Variants in CFAP54 observed in about 807,000 individuals in gnomAD.
The protein encoded by CFAP54 is cilia and flagella associated protein 54, also known as cilia- and flagella-associated protein 54.
A neutral mutation model predicts 370.4 loss-of-function variants in CFAP54; 290 were observed. That is an observed-to-expected ratio of 0.78 (90% CI 0.71 to 0.86). The LOEUF (loss-of-function observed/expected upper bound fraction) is 0.86, where lower values mean the gene tolerates loss of function less well. Ranked by LOEUF, CFAP54 falls within the 40% of genes least tolerant of loss-of-function variation. The pLI is 0.00. For synonymous variants in CFAP54, 1,206 were observed against 1,236.5 expected, an observed-to-expected ratio of 0.98 and a Z score of 0.52; for missense variants, 3,399 against 3,528.7, an observed-to-expected ratio of 0.96 and a Z score of 0.93.
rs890606616 is a variant in CFAP54, at chr12:96,745,543, T to G, written c.7684+1397T>G. ...TTAATGTTTTTTTTTCTTGTAAATT[T>G]GTTTGAGTTCTTTGTATACTCTGAA... On this transcript the variant is annotated intron_variant, in intron 55 of 67. Coordinates refer to ENST00000524981, the MANE Select transcript of CFAP54 (RefSeq NM_001306084.2). Among the ~76,000 whole-genome samples, 4 of 152,190 alleles carry G rather than the reference T, an allele frequency of 2.6e-5. No individual in the cohort carries two copies. In the East Asian group the frequency reaches 7.7e-4, roughly 29 times the overall value.
intron 65 of CFAP54, among the ~76,000 whole-genome samples, chr12:96,826,984 A>G (rs1959122703): frequency 7.3e-6 from 1 of 137,498 alleles, no homozygotes; most frequent in African/African-American, 2.6e-5. Context: ...GATTATATAT[A>G]ATATGCAATT....
intron 14 of CFAP54, among the ~76,000 whole-genome samples, chr12:96,544,410 ATCTCTCTCTCTC>A (rs71068815): frequency 0.39 from 58,050 of 147,998 alleles, 11,685 homozygotes; most frequent in South Asian, 0.47. Context: ...AAAACAGAAT[ATCTCTCTCTCTC>A]TCTCTCTCTC....
intron 50 of CFAP54, among the ~76,000 whole-genome samples, chr12:96,738,633 A>G (rs1958009799): frequency 8.0e-6 from 1 of 124,334 alleles, no homozygotes; most frequent in Non-Finnish European, 1.6e-5. Context: ...TTTTTTTGAA[A>G]CGGGGTCTCA....
intron 66 of CFAP54, among the ~76,000 whole-genome samples, chr12:96,860,235 G>A (rs1959843577): frequency 6.6e-6 from 1 of 150,556 alleles, no homozygotes; most frequent in Admixed American, 6.6e-5. Flanking sequence ...TTGGCATGAA[G>A]TGGGTCCCCA....
At chr12:96,727,765 C>T (rs1446015470) in intron 50 of CFAP54, among the ~76,000 whole-genome samples, 1 of 151,548 alleles carries the variant, frequency 6.6e-6, no homozygotes, top group Non-Finnish European at 1.5e-5. Context: ...CAGTTTCTTC[C>T]TAGTCTCGAT....
At chr12:96,497,063 A>C (rs537391779) in intron 1 of CFAP54, among the ~76,000 whole-genome samples, 30 of 152,304 alleles carry the variant, frequency 2.0e-4, no homozygotes, top group African/African-American at 7.2e-4. Context: ...ATCTTTCAGC[A>C]GATATTTATT....
In CFAP54 at chr12:96,647,819, G is replaced by T. The variant is rs1038923588; in HGVS notation, c.4548-56G>T. 32 of 1,387,354 alleles carry T rather than the reference G, an allele frequency of 2.3e-5. No homozygotes were observed. The Admixed American group carries it at 8.7e-4, about 38-fold the overall frequency. The allele number at this position is 1,387,354 out of a possible 1,614,324, so 85.9% of individuals were successfully genotyped here. ...AAATAAAAATAGATTGCATTTGACA[G>T]ATTTAATTCAATTTTGCTTATATTG... On this transcript the variant is annotated intron_variant, in intron 33 of 67. Transcript: ENST00000524981.
chr12:96,605,622 A>G (rs1282157999), intron 26 of CFAP54, among the ~76,000 whole-genome samples: 1 of 150,364 alleles, frequency 6.7e-6, no homozygotes, highest in Non-Finnish European at 1.5e-5. Context: ...CCTTCATTCA[A>G]TATGTATTTA....
intron 46 of CFAP54, among the ~76,000 whole-genome samples, chr12:96,702,108 G>A (rs192945768): frequency 1.8e-4 from 28 of 152,212 alleles, no homozygotes; most frequent in Admixed American, 5.2e-4. Context: ...GCTGATAATC[G>A]TTTGGATACA....
intron 64 of CFAP54, among the ~76,000 whole-genome samples, chr12:96,816,207 T>C (rs1002765759): frequency 6.6e-6 from 1 of 152,188 alleles, no homozygotes; most frequent in African/African-American, 2.4e-5. Context: ...ATGGAATGTT[T>C]TTCCATTTGT....
intron 25 of CFAP54, among the ~76,000 whole-genome samples, chr12:96,597,929 G>A (rs1316695199): frequency 6.6e-6 from 1 of 151,830 alleles, no homozygotes; most frequent in Non-Finnish European, 1.5e-5. Context: ...TTAGGGTGGG[G>A]AGGAATTTAA....
chr12:96,516,343 C>T (rs10745764), intron 5 of CFAP54, among the ~76,000 whole-genome samples: 15,200 of 142,270 alleles, frequency 0.11, 1,243 homozygotes, highest in East Asian at 0.45. Context: ...TAGAATAATG[C>T]ATGTCTGTTG....
intron 20 of CFAP54, among the ~76,000 whole-genome samples, chr12:96,578,663 T>G (rs901460225): frequency 6.6e-6 from 1 of 152,186 alleles, no homozygotes; most frequent in Non-Finnish European, 1.5e-5. Flanking sequence ...TTTATGTGTA[T>G]TACGTTCATT....
rs958930898 is a variant in CFAP54 at position 96,782,216 on chromosome 12, G to C, written c.8282-2501G>C. On this transcript the variant is annotated intron_variant, in intron 60 of 67. Coordinates refer to ENST00000524981, the MANE Select transcript of CFAP54 (RefSeq NM_001306084.2). Reference sequence around the variant, plus strand: ...TTACAAGTGGGAAAACATGCCTACTGTATTTATAGTAAATATTCAGATGCC... The same window carrying C: ...TTACAAGTGGGAAAACATGCCTACTCTATTTATAGTAAATATTCAGATGCC... Among the ~76,000 whole-genome samples the C allele has an allele frequency of 3.3e-5, 5 of 152,162 alleles. No individual in the cohort carries two copies. The East Asian group carries it at 9.6e-4, about 29-fold the overall frequency.
At chr12:96,817,484 A>T (rs1447394642) in intron 64 of CFAP54, among the ~76,000 whole-genome samples, 1 of 150,728 alleles carries the variant, frequency 6.6e-6, no homozygotes, top group African/African-American at 2.4e-5. Context: ...GCAGTGGCGC[A>T]ATCTCCGCTC....
chr12:96,738,700 T>G (rs184143073), intron 50 of CFAP54, among the ~76,000 whole-genome samples: 191 of 144,798 alleles, frequency 1.3e-3, no homozygotes, highest in Admixed American at 2.7e-3. Context: ...AACCTCCGCC[T>G]CCTGGATTCA....
chr12:96,663,191 A>G (rs183348139), intron 38 of CFAP54, among the ~76,000 whole-genome samples: 151 of 152,318 alleles, frequency 9.9e-4, no homozygotes, highest in Non-Finnish European at 1.6e-3. Context: ...TCATTATAAA[A>G]GTACTACTCA....
chr12:96,825,505 A>G (rs1959087665), intron 65 of CFAP54, among the ~76,000 whole-genome samples: 1 of 117,568 alleles, frequency 8.5e-6, no homozygotes, highest in East Asian at 2.5e-4. Flanking sequence ...ATACATAATT[A>G]TATATTATAT....
chr12:96,804,988 C>G (rs1483608699), intron 63 of CFAP54, among the ~76,000 whole-genome samples: 3 of 151,906 alleles, frequency 2.0e-5, no homozygotes, highest in Admixed American at 1.3e-4. Flanking sequence ...AAAATATACA[C>G]TAAGGAAAGG....
Sources: allele counts gnomAD v4.1 joint callset (sites outside exome capture counted in the v4.1 genomes callset), GRCh38; gene constraint gnomAD v4.1.1; transcripts MANE v1.5; gene names NCBI Gene and HGNC (gene_info 2026-07-23, HGNC 2026-07-21).